KIF17: variants seen among roughly 807,000 people sequenced by gnomAD.
KIF17 encodes the protein kinesin family member 17.
A neutral mutation model predicts 96.8 loss-of-function variants in KIF17; 80 were observed. The ratio of observed to expected loss-of-function variants is 0.83; its 90% confidence interval spans 0.69 to 1.00. KIF17 has a LOEUF of 1.00. Ranked by LOEUF, KIF17 falls within the 50% of genes least tolerant of loss-of-function variation. The pLI is 0.00. For synonymous variants in KIF17, 567 were observed against 587.5 expected (o/e 0.97, Z 0.51); for missense variants, 1,280 against 1,372.9 (o/e 0.93, Z 1.07).
chr1:20,675,789 A>G (rs2053728270), intron 11 of KIF17, among the ~76,000 whole-genome samples: 2 of 152,218 alleles, frequency 1.3e-5, no homozygotes. Flanking sequence ...GAGTCTGCCA[A>G]TTCATATGAA....
chr1:20,672,106 G>A lies in KIF17; in HGVS notation c.2554C>T (p.Arg852Cys). The change falls in exon 12 of 15, where the codon CGT becomes TGT. Residue 852 changes from arginine (R) to cysteine (C), a missense_variant. By Grantham distance (180) the Arg-to-Cys change is radical. Coordinates refer to ENST00000400463, the MANE Select transcript of KIF17 (RefSeq NM_001122819.3). The surrounding 1 kb of genome is among the most constrained non-coding windows in gnomAD (Gnocchi z 4.3). ...DYLATIRRQE[R>C]DSMLLQQLLE... The stretch of plus-strand genomic sequence containing the variant: ...AGCTGCTGCAAGAGCATGGAGTCAC[G>A]CTCCTGCCGGCGGATGGTGGCCAAG... The A allele has an allele frequency of 1.2e-5, 20 of 1,614,160 alleles. No individual in the cohort carries two copies. The highest frequency in any genetic ancestry group is 2.2e-5 in the East Asian group (1 of 44,886).
chr1:20,671,739 G>A (rs943496119), intron 12 of KIF17, among the ~76,000 whole-genome samples, 199 bp downstream of exon 12: 12 of 152,134 alleles, frequency 7.9e-5, no homozygotes, highest in East Asian at 1.9e-4. Context: ...CACAGGGAAC[G>A]GTGCTGCCAG....
chr1:20,690,345 T>TGGG lies in KIF17; in HGVS notation c.1234-13_1234-11dup. The TGGG allele has an allele frequency of 1.6e-5, 4 of 242,718 alleles. No homozygotes were observed. Among genetic ancestry groups the TGGG allele is most frequent in the Admixed American group, 6.0e-5 (1 of 16,664 alleles). 15.0% of individuals were successfully genotyped at this position (242,718 alleles called of 1,614,324 possible). A position where few individuals can be genotyped will look rare whatever the true frequency, so the allele number is the denominator to read the frequency against. ...GGCGCTCTTCATACTCCTGGGGGGG[T>TGGG]GGGAGGGACCAGAGGGCAGGCAGCA... On this transcript the variant is annotated splice_polypyrimidine_tract_variant and intron_variant, in intron 6 of 14. Transcript: ENST00000400463.
chr1:20,711,393 G>A (rs1202846684), intron 3 of KIF17, among the ~76,000 whole-genome samples: 14 of 152,112 alleles, frequency 9.2e-5, no homozygotes, highest in Non-Finnish European at 1.9e-4. Context: ...CACCCCCGAC[G>A]CCTGGGGAGG....
At chr1:20,701,197 G>C (rs1044890700) in intron 5 of KIF17, among the ~76,000 whole-genome samples, 1 of 152,220 alleles carries the variant, frequency 6.6e-6, no homozygotes, top group Non-Finnish European at 1.5e-5. Context: ...ACTTTGGGAG[G>C]CTGAGGCGGG....
rs1385526649 is a variant in KIF17, at chr1:20,682,743, G to C, written c.2373C>G (p.Asp791Glu). Reference sequence around the variant, plus strand: ...CGTTAAGCAGCACCCAGTCCCCGCTGTCCTCATCCGAGTTCTGCAGGGCAG... The same window carrying C: ...CGTTAAGCAGCACCCAGTCCCCGCTCTCCTCATCCGAGTTCTGCAGGGCAG... Reference protein sequence around the residue: ...LVAALQNSDEDSGDWVLLNVY... With the variant: ...LVAALQNSDEESGDWVLLNVY... Residue 791 changes from aspartate to glutamate, a missense_variant, in exon 11 of 15, where the codon GAC (aspartate) becomes GAG (glutamate). Physicochemically the swap from Asp to Glu is conservative, Grantham distance 45. Coordinates refer to ENST00000400463, the MANE Select transcript of KIF17 (RefSeq NM_001122819.3). The C allele has an allele frequency of 6.2e-7, 1 of 1,613,406 alleles. No homozygotes were observed. The highest frequency in any genetic ancestry group is 8.5e-7 in the Non-Finnish European group (1 of 1,180,032).
intron 7 of KIF17, among the ~76,000 whole-genome samples, chr1:20,689,099 T>C (rs2053990661): frequency 6.6e-6 from 1 of 152,252 alleles, no homozygotes; most frequent in Non-Finnish European, 1.5e-5. Context: ...CACACAGTTA[T>C]GGGAGGATTC....
At chr1:20,696,742 GTGTGTGACTCCCAGCCTCCGAGCCCCGC>G (rs796743805) in intron 6 of KIF17, among the ~76,000 whole-genome samples, 15 of 151,942 alleles carry the variant, frequency 9.9e-5, no homozygotes, top group African/African-American at 3.4e-4. Context: ...CTGTGACTCC[GTGTGTGACTCCCAGCCTCCGAGCCCCGC>G]TGTGTGACTC....
intron 4 of KIF17, among the ~76,000 whole-genome samples, chr1:20,708,905 G>A (rs1026295665): frequency 2.6e-5 from 4 of 152,192 alleles, no homozygotes; most frequent in Admixed American, 6.5e-5. Context: ...AGTAGAGAAC[G>A]TTACAGAGGG....
At chr1:20,674,692 G>A (rs937966742) in intron 11 of KIF17, among the ~76,000 whole-genome samples, 4 of 151,072 alleles carry the variant, frequency 2.6e-5, no homozygotes, top group Non-Finnish European at 5.9e-5. Context: ...TTACAGTTTT[G>A]GCTCTTACAT....
intron 2 of KIF17, 137 bp downstream of exon 2, chr1:20,715,356 G>A (rs2054558075): frequency 4.4e-6 from 5 of 1,149,360 alleles, no homozygotes; most frequent in Non-Finnish European, 6.3e-6. Context: ...CACCTTTTCA[G>A]AACCCAGAGC....
At chr1:20,714,484 C>T (rs1482247566) in intron 2 of KIF17, among the ~76,000 whole-genome samples, 2 of 151,450 alleles carry the variant, frequency 1.3e-5, no homozygotes, top group African/African-American at 2.4e-5. Context: ...AGCAAGACTC[C>T]GTCTCAAAAA....
chr1:20,664,918 G>A (rs961768058), intron 14 of KIF17, among the ~76,000 whole-genome samples, 156 bp from the exon 15 acceptor site: 3 of 152,118 alleles, frequency 2.0e-5, no homozygotes, highest in African/African-American at 7.2e-5. Context: ...CAGGCTCTGC[G>A]AGGCTGCTCT....
At chr1:20,713,167 T>C (rs1428083588) in intron 3 of KIF17, among the ~76,000 whole-genome samples, 2 of 151,008 alleles carry the variant, frequency 1.3e-5, no homozygotes, top group South Asian at 2.1e-4. Flanking sequence ...AGCTAGTTTT[T>C]GTATTTTTAG....
At chr1:20,689,629 C>T (rs1011761113) in intron 7 of KIF17, among the ~76,000 whole-genome samples, 5 of 151,224 alleles carry the variant, frequency 3.3e-5, no homozygotes, top group African/African-American at 9.8e-5. Context: ...CCAGCCTGGG[C>T]GATGGAGCAA....
In KIF17 at chr1:20,717,799, C is replaced by A; in HGVS notation, c.-93G>T. ...GGCCAAGGGGCGGGGCCAGCGCCGG[C>A]CACGGGGGGCGGGGCCTTGAGGCAG... On this transcript the variant is annotated 5_prime_UTR_variant, in exon 1 of 15. Coordinates refer to ENST00000400463, the MANE Select transcript of KIF17 (RefSeq NM_001122819.3). The A allele has an allele frequency of 7.5e-7, 1 of 1,329,286 alleles. No individual in the cohort carries two copies. Among genetic ancestry groups the A allele is most frequent in the Non-Finnish European group, 9.6e-7 (1 of 1,042,022 alleles). The allele number at this position is 1,329,286 out of a possible 1,614,324, so 82.3% of individuals were successfully genotyped here. A position where few individuals can be genotyped will look rare whatever the true frequency, so the allele number is the denominator to read the frequency against.
In KIF17 at chr1:20,704,452, A is replaced by G. The variant is rs1467421996; in HGVS notation, c.1118T>C (p.Leu373Pro). ...CTACCCCAACGTGGTCCCACCTGAC[A>G]GGCTGCTGGGGCTCATCTGCTGTGT... The part of the protein sequence containing the change: ...ILTQQMSPSS[L>P]SALLSRQVPP... The change falls in exon 5 of 15, where the codon CTG (leucine) becomes CCG (proline). Residue 373 changes from leucine to proline, a missense_variant. Leu to Pro is a moderately conservative substitution (Grantham distance 98). Coordinates refer to ENST00000400463, the MANE Select transcript of KIF17 (RefSeq NM_001122819.3). The surrounding 1 kb of genome is among the most constrained non-coding windows in gnomAD (Gnocchi z 6.8). 2 of 1,613,546 alleles carry G rather than the reference A, an allele frequency of 1.2e-6. No individual in the cohort carries two copies. Among genetic ancestry groups the G allele is most frequent in the East Asian group, 2.2e-5 (1 of 44,880 alleles).
chr1:20,711,035 G>T (rs1429037709), intron 3 of KIF17, among the ~76,000 whole-genome samples: 1 of 149,472 alleles, frequency 6.7e-6, no homozygotes, highest in Non-Finnish European at 1.5e-5. Context: ...ACGGAGCCGC[G>T]TGTGGCCTGA....
In KIF17 at chr1:20,677,035, A is replaced by T. The variant is rs569704398; in HGVS notation, c.2464-4839T>A. ...GGACCAGCCTGCGCAACATGGTGAA[A>T]CCCCGTCGCTACAAAAAATACAAAA... is the stretch of plus-strand genomic sequence containing the variant. On this transcript the variant is annotated intron_variant, in intron 11 of 14. Coordinates refer to ENST00000400463, the MANE Select transcript of KIF17 (RefSeq NM_001122819.3). Among the ~76,000 whole-genome samples, 4 of 151,476 alleles carry T rather than the reference A, an allele frequency of 2.6e-5. No homozygotes were observed. The South Asian group carries it at 8.4e-4, about 32-fold the overall frequency.
Sources: allele counts gnomAD v4.1 joint callset (sites outside exome capture counted in the v4.1 genomes callset), GRCh38; gene constraint gnomAD v4.1.1; non-coding constraint Gnocchi (gnomAD v3.1); transcripts MANE v1.5; gene names NCBI Gene and HGNC (gene_info 2026-07-23, HGNC 2026-07-21).